NTN1: variants seen among roughly 807,000 people sequenced by gnomAD.
The protein encoded by NTN1 is netrin 1, also known as netrin-1.
NTN1 carries 11 observed loss-of-function variants against 54.2 expected under a neutral mutation model. That is an observed-to-expected ratio of 0.20 (90% CI 0.13 to 0.34). The LOEUF is 0.34. Among genes scored for constraint, NTN1 ranks in the 10% least tolerant of loss-of-function variants. NTN1 has a pLI of 1.00. For synonymous variants in NTN1, 371 were observed against 382.0 expected (o/e 0.97, Z 0.33); for missense variants, 740 against 893.1 (o/e 0.83, Z 2.18).
At chr17:9,181,933 T>G (rs1181638054) in intron 4 of NTN1, among the ~76,000 whole-genome samples, 3 of 152,112 alleles carry the variant, frequency 2.0e-5, no homozygotes, top group Non-Finnish European at 4.4e-5. Flanking sequence ...GAGCACAGGG[T>G]GGGGTCTGGG....
intron 2 of NTN1, among the ~76,000 whole-genome samples, chr17:9,130,149 G>A (rs1345863530): frequency 6.6e-6 from 1 of 152,160 alleles, no homozygotes; most frequent in East Asian, 1.9e-4. Flanking sequence ...TTTTCTACCT[G>A]TTGACAGCAG....
intron 2 of NTN1, among the ~76,000 whole-genome samples, chr17:9,113,041 T>G (rs1244614230): frequency 6.6e-6 from 1 of 151,362 alleles, no homozygotes; most frequent in East Asian, 2.0e-4. Flanking sequence ...TTTATTTTTT[T>G]GAGACAGAGT....
At chr17:9,048,194 C>A (rs1249696508) in intron 2 of NTN1, among the ~76,000 whole-genome samples, 1 of 152,202 alleles carries the variant, frequency 6.6e-6, no homozygotes, top group Non-Finnish European at 1.5e-5. Flanking sequence ...GGTCCATGGG[C>A]TGCAGAATGG....
At chr17:9,210,949 G>A (rs140364423) in intron 5 of NTN1, among the ~76,000 whole-genome samples, 7 of 113,540 alleles carry the variant, frequency 6.2e-5, no homozygotes, top group Non-Finnish European at 1.2e-4. Context: ...CCTCACCTTA[G>A]ACTATTTTTA....
At chr17:9,129,310 A>G (rs2092256713) in intron 2 of NTN1, among the ~76,000 whole-genome samples, 1 of 151,968 alleles carries the variant, frequency 6.6e-6, no homozygotes, top group African/African-American at 2.4e-5. Context: ...TTTACCTGGA[A>G]GGCCCCAGAG....
intron 5 of NTN1, among the ~76,000 whole-genome samples, chr17:9,216,919 A>G (rs1231489610): frequency 4.6e-5 from 7 of 152,028 alleles, no homozygotes; most frequent in South Asian, 2.1e-4. Flanking sequence ...GTGTGTGCCT[A>G]TAGTCCTAGC....
chr17:9,023,753 C>T (rs1057414035), intron 2 of NTN1, among the ~76,000 whole-genome samples: 1 of 152,238 alleles, frequency 6.6e-6, no homozygotes, highest in African/African-American at 2.4e-5. Context: ...CACCCACCCC[C>T]CTTTCCCAAG....
intron 2 of NTN1, among the ~76,000 whole-genome samples, chr17:9,066,376 C>T (rs1260460818): frequency 6.6e-6 from 1 of 152,220 alleles, no homozygotes; most frequent in African/African-American, 2.4e-5. Context: ...CACCTGTAAT[C>T]CCAGCACTTT....
rs550168029 is a variant in NTN1 at position 9,135,601 on chromosome 17, A to G, written c.1019-27212A>G. On this transcript the variant is annotated intron_variant, in intron 2 of 6. Coordinates refer to ENST00000173229, the MANE Select transcript of NTN1 (RefSeq NM_004822.3). The surrounding 1 kb of genome is among the most constrained non-coding windows in gnomAD (Gnocchi z 4.4). ...ATTGGCTTCCCCTTGAATTGTCACG[A>G]TGGCCCAGCACTGTTGGGTTCAGCT... Among the ~76,000 whole-genome samples the G allele has an allele frequency of 3.3e-5, 5 of 152,276 alleles. No homozygotes were observed. Among genetic ancestry groups the G allele is most frequent in the African/African-American group, 1.2e-4 (5 of 41,564 alleles).
At chr17:9,201,657 A>AT (rs1904788211) in intron 5 of NTN1, among the ~76,000 whole-genome samples, 1 of 152,134 alleles carries the variant, frequency 6.6e-6, no homozygotes, top group African/African-American at 2.4e-5. Context: ...TGGGAGGCCT[A>AT]TAGGTAAACT....
At chr17:9,021,237 C>A (rs1248648636), upstream of NTN1, among the ~76,000 whole-genome samples, 2 of 151,716 alleles carry the variant, frequency 1.3e-5, no homozygotes, top group Non-Finnish European at 2.9e-5. Context: ...CCTCCTCCCC[C>A]ACGGGGTGCG....
At chr17:9,160,002 C>T (rs1359822333) in intron 2 of NTN1, among the ~76,000 whole-genome samples, 2 of 152,264 alleles carry the variant, frequency 1.3e-5, no homozygotes, top group East Asian at 3.9e-4. Flanking sequence ...TGGGAAACGA[C>T]CTATAGGTGC....
chr17:9,166,505 C>T (rs935955636), intron 3 of NTN1, among the ~76,000 whole-genome samples: 3 of 152,046 alleles, frequency 2.0e-5, no homozygotes, highest in African/African-American at 4.8e-5. Flanking sequence ...CCACAACCAG[C>T]TAATTTTTGT....
At chr17:9,233,629 T>A (rs1905887930) in intron 6 of NTN1, among the ~76,000 whole-genome samples, 1 of 151,912 alleles carries the variant, frequency 6.6e-6, no homozygotes, top group Non-Finnish European at 1.5e-5. Flanking sequence ...AGGACAGGGA[T>A]GCTCCAAGTC....
At chr17:9,011,160 G>C in the NTN1 span, among the ~76,000 whole-genome samples, 1 of 152,188 alleles carries the variant, frequency 6.6e-6, no homozygotes, top group Admixed American at 6.5e-5. Flanking sequence ...GAGCGATGGG[G>C]AGTGGTTGTA....
At chr17:9,127,500 G>A (rs1372155903) in intron 2 of NTN1, among the ~76,000 whole-genome samples, 2 of 152,138 alleles carry the variant, frequency 1.3e-5, no homozygotes, top group Non-Finnish European at 2.9e-5. Context: ...TGTAGCACTG[G>A]GGAGCGTGGT....
At chr17:9,122,747 C>T (rs2092235282) in intron 2 of NTN1, among the ~76,000 whole-genome samples, 2 of 152,190 alleles carry the variant, frequency 1.3e-5, no homozygotes, top group Non-Finnish European at 2.9e-5. Flanking sequence ...TGTTAATACC[C>T]TGTGGTGTGT....
chr17:9,107,339 G>A (rs2092170723), intron 2 of NTN1, among the ~76,000 whole-genome samples: 1 of 152,220 alleles, frequency 6.6e-6, no homozygotes, highest in African/African-American at 2.4e-5. Context: ...GTGCACCTCA[G>A]TCAGTTGAGA....
chr17:9,011,783 T>G, the NTN1 span, among the ~76,000 whole-genome samples: 1 of 151,926 alleles, frequency 6.6e-6, no homozygotes, highest in Non-Finnish European at 1.5e-5. Flanking sequence ...AGAGATGGGG[T>G]TTCACCATGT....
Sources: allele counts gnomAD v4.1 joint callset (sites outside exome capture counted in the v4.1 genomes callset), GRCh38; gene constraint gnomAD v4.1.1; non-coding constraint Gnocchi (gnomAD v3.1); transcripts MANE v1.5; gene names NCBI Gene and HGNC (gene_info 2026-07-23, HGNC 2026-07-21).